Variants in BMPR1A observed in about 807,000 individuals in gnomAD.
BMPR1A encodes the protein bone morphogenetic protein receptor type 1A, also known as bone morphogenetic protein receptor type-1A.
A neutral mutation model predicts 66.0 loss-of-function variants in BMPR1A; 7 were observed. The ratio of observed to expected loss-of-function variants is 0.11; its 90% CI spans 0.06 to 0.20. The LOEUF is 0.20. Ranked by LOEUF, BMPR1A falls within the 10% of genes least tolerant of loss-of-function variation. BMPR1A has a pLI of 1.00. For synonymous variants in BMPR1A, 200 were observed against 229.7 expected, an observed-to-expected ratio of 0.87 and a Z score of 1.17; for missense variants, 408 against 669.1, an observed-to-expected ratio of 0.61 and a Z score of 4.31.
chr10:86,853,298 G>C (rs1200898210), intron 2 of BMPR1A, among the ~76,000 whole-genome samples: 2 of 141,426 alleles, frequency 1.4e-5, no homozygotes, highest in African/African-American at 5.2e-5. Context: ...TTTTTTCTAA[G>C]AAAAAAAAAA....
chr10:86,796,859 A>G (rs904705955), intron 1 of BMPR1A, among the ~76,000 whole-genome samples: 2 of 151,774 alleles, frequency 1.3e-5, no homozygotes, highest in African/African-American at 4.8e-5. Flanking sequence ...ACAGCCAATA[A>G]AAGTTTGTGG....
At chr10:86,836,461 G>A (rs1392241086) in intron 1 of BMPR1A, among the ~76,000 whole-genome samples, 1 of 152,056 alleles carries the variant, frequency 6.6e-6, no homozygotes, top group Non-Finnish European at 1.5e-5. Flanking sequence ...TAAGTTCTGG[G>A]ATACATGTGC....
At chr10:86,913,462 ACT>A (rs1260788475) in intron 8 of BMPR1A, among the ~76,000 whole-genome samples, 4 of 151,802 alleles carry the variant, frequency 2.6e-5, no homozygotes, top group Non-Finnish European at 5.9e-5. Context: ...TTATTAAATA[ACT>A]CTAATTGAAT....
rs141658064 is a variant in BMPR1A at position 86,794,111 on chromosome 10, G to C, written c.-268+37192G>C. ...GGACCCTTAGTCACACATCTGCAAA[G>C]TCCCTTTTGCCATTTAAATAACATA... On this transcript the variant is annotated intron_variant, in intron 1 of 12. Transcript: ENST00000372037. Among the ~76,000 whole-genome samples the C allele has an allele frequency of 5.4e-4, 83 of 152,294 alleles. 1 individual carries two copies. In the East Asian group the frequency reaches 0.011, roughly 20 times the overall value.
At chr10:86,785,644 C>G (rs1841504350) in intron 1 of BMPR1A, among the ~76,000 whole-genome samples, 1 of 152,110 alleles carries the variant, frequency 6.6e-6, no homozygotes, top group African/African-American at 2.4e-5. Flanking sequence ...CAGTTACTCT[C>G]CAGTGTTCAA....
At chr10:86,820,087 A>G (rs1456486166) in intron 1 of BMPR1A, among the ~76,000 whole-genome samples, 1 of 151,994 alleles carries the variant, frequency 6.6e-6, no homozygotes, top group Non-Finnish European at 1.5e-5. Context: ...TGACACCCAG[A>G]CTGGAGTGCA....
chr10:86,879,675 A>G (rs1456902038), intron 3 of BMPR1A, among the ~76,000 whole-genome samples: 1 of 152,218 alleles, frequency 6.6e-6, no homozygotes, highest in Admixed American at 6.5e-5. Context: ...TCCATTTAGT[A>G]CATGCAGCTA....
chr10:86,923,253 G>A (rs1174187758), intron 11 of BMPR1A, 123 bp from the exon 12 acceptor site: 3 of 1,238,118 alleles, frequency 2.4e-6, no homozygotes, highest in East Asian at 3.0e-5. Flanking sequence ...GAATCATAGT[G>A]TCTATATTTT....
intron 2 of BMPR1A, among the ~76,000 whole-genome samples, chr10:86,842,200 C>T (rs916799517): frequency 5.3e-5 from 8 of 152,126 alleles, no homozygotes; most frequent in East Asian, 1.9e-4. Flanking sequence ...TGGGTAGTGT[C>T]GGAATTTAAT....
chr10:86,768,322 T>G (rs1038341982), intron 1 of BMPR1A, among the ~76,000 whole-genome samples: 1 of 152,224 alleles, frequency 6.6e-6, no homozygotes, highest in Non-Finnish European at 1.5e-5. Context: ...AAAACTGTTA[T>G]CCAAAATGAA....
At chr10:86,769,526 A>C (rs964824814) in intron 1 of BMPR1A, among the ~76,000 whole-genome samples, 1 of 152,260 alleles carries the variant, frequency 6.6e-6, no homozygotes, top group Non-Finnish European at 1.5e-5. Context: ...AAGACTCCAC[A>C]TGCTAAAGAA....
At chr10:86,783,153 T>C (rs1022259674) in intron 1 of BMPR1A, among the ~76,000 whole-genome samples, 16 of 152,368 alleles carry the variant, frequency 1.1e-4, no homozygotes, top group Non-Finnish European at 2.2e-4. Flanking sequence ...TAGTCTTGGC[T>C]CATCATTTGA....
In BMPR1A at chr10:86,855,005, C is replaced by CT. The variant is rs906549467; in HGVS notation, c.-153+16026_-153+16027insT. 184 of 199,902 alleles carry CT rather than the reference C, an allele frequency of 9.2e-4. 1 individual carries two copies. The highest frequency in any genetic ancestry group is 4.2e-3 in the African/African-American group (178 of 42,634). 12.4% of individuals were successfully genotyped at this position (199,902 alleles called of 1,614,324 possible). ...AGGCTGGGATGCAGTGGTGCAACCTCCACTCCCTGCAACCTCAGCTGCTTG... is the reference window on the plus strand; with the variant it reads ...AGGCTGGGATGCAGTGGTGCAACCTCTCACTCCCTGCAACCTCAGCTGCTTG... On this transcript the variant is annotated intron_variant, in intron 2 of 12. Coordinates refer to ENST00000372037, the MANE Select transcript of BMPR1A (RefSeq NM_004329.3).
chr10:86,913,559 A>G (rs1328357195), intron 8 of BMPR1A, among the ~76,000 whole-genome samples: 1 of 152,208 alleles, frequency 6.6e-6, no homozygotes, highest in Non-Finnish European at 1.5e-5. Context: ...CAATAAAACT[A>G]CTGCAGCCAG....
chr10:86,858,378 T>C (rs1230167093), intron 2 of BMPR1A, among the ~76,000 whole-genome samples: 3 of 152,200 alleles, frequency 2.0e-5, no homozygotes, highest in Non-Finnish European at 4.4e-5. Context: ...TATTTTAAAA[T>C]TGTGTTTATA....
downstream of BMPR1A, chr10:86,929,430 G>C (rs889784998): frequency 6.6e-6 from 1 of 152,148 alleles, no homozygotes; most frequent in Non-Finnish European, 1.5e-5. Context: ...CCTGCACTGA[G>C]TCCCACCGCC....
chr10:86,843,529 T>C (rs751282864), intron 2 of BMPR1A: 3 of 152,148 alleles, frequency 2.0e-5, no homozygotes, highest in Non-Finnish European at 4.4e-5. Context: ...ATAAGTAATA[T>C]AAGTAATGAT....
intron 9 of BMPR1A, among the ~76,000 whole-genome samples, chr10:86,918,897 G>A (rs1325345676): frequency 6.6e-6 from 1 of 152,222 alleles, no homozygotes; most frequent in East Asian, 1.9e-4. Context: ...TGATACAGGT[G>A]TGAGCCACCA....
intron 1 of BMPR1A, among the ~76,000 whole-genome samples, chr10:86,799,469 TCTTCCTTCCTTCCTTCCTTC>T (rs4029467): frequency 3.3e-5 from 4 of 121,004 alleles, no homozygotes; most frequent in Admixed American, 2.5e-4. Flanking sequence ...TTCCTTCCTT[TCTTCCTTCCTTCCTTCCTTC>T]CTTCCTTCCT....
Sources: gnomAD v4.1 joint callset for allele counts (sites outside exome capture counted in the v4.1 genomes callset) on GRCh38, gnomAD v4.1.1 for gene constraint, MANE v1.5 for transcripts, NCBI Gene and HGNC (gene_info 2026-07-23, HGNC 2026-07-21) for gene names.